Variants in PRKCE observed in about 807,000 individuals in gnomAD.
PRKCE encodes the protein protein kinase C epsilon.
A neutral mutation model predicts 85.4 loss-of-function variants in PRKCE; 16 were observed. The ratio of observed to expected loss-of-function variants is 0.19; its 90% CI spans 0.13 to 0.28. PRKCE has a LOEUF of 0.28. Ranked by LOEUF, PRKCE falls within the 10% of genes least tolerant of loss-of-function variation. The probability of loss-of-function intolerance (pLI) is 1.00; values close to 1 mark genes in which losing one functional copy is unlikely to be tolerated. For synonymous variants in PRKCE, 388 were observed against 371.5 expected (o/e 1.04, Z -0.51); for missense variants, 573 against 975.2 (o/e 0.59, Z 5.49).
intron 11 of PRKCE, among the ~76,000 whole-genome samples, chr2:46,120,737 G>A (rs762451768): frequency 6.6e-6 from 1 of 152,118 alleles, no homozygotes; most frequent in Non-Finnish European, 1.5e-5. Context: ...ACACGTTTTT[G>A]TAACTTCTCA....
chr2:46,007,682 G>A (rs755082754), intron 9 of PRKCE, 21 bp downstream of exon 9: 6 of 1,597,062 alleles, frequency 3.8e-6, no homozygotes, highest in Non-Finnish European at 5.1e-6. Context: ...CACACGGGTG[G>A]AACTGCTGGT....
At chr2:45,898,934 C>A (rs544087842) in intron 2 of PRKCE, among the ~76,000 whole-genome samples, 1 of 152,290 alleles carries the variant, frequency 6.6e-6, no homozygotes, top group Non-Finnish European at 1.5e-5. Context: ...TGGAATGTCC[C>A]AAAAAGAAAG....
intron 12 of PRKCE, among the ~76,000 whole-genome samples, chr2:46,149,271 T>G (rs148678584): frequency 6.6e-6 from 1 of 152,272 alleles, no homozygotes; most frequent in Non-Finnish European, 1.5e-5. Context: ...GCCCAAGGTG[T>G]CCCATGGGCT....
chr2:45,813,292 G>C (rs1240522006), intron 1 of PRKCE, among the ~76,000 whole-genome samples: 1 of 152,178 alleles, frequency 6.6e-6, no homozygotes, highest in East Asian at 1.9e-4. Flanking sequence ...TTGGCCATGG[G>C]TCATTTTCAA....
intron 10 of PRKCE, among the ~76,000 whole-genome samples, chr2:46,049,350 A>G (rs1424891901): frequency 6.6e-6 from 1 of 152,188 alleles, no homozygotes; most frequent in African/African-American, 2.4e-5. Context: ...CAGTCCTGAC[A>G]ATGCACATAG....
intron 1 of PRKCE, among the ~76,000 whole-genome samples, chr2:45,767,686 C>T (rs1428132125): frequency 6.6e-6 from 1 of 152,224 alleles, no homozygotes; most frequent in East Asian, 1.9e-4. Flanking sequence ...TGTGCCTTCA[C>T]TGTCAGCAGT....
chr2:45,954,848 G>C (rs1700864065), intron 2 of PRKCE, among the ~76,000 whole-genome samples: 2 of 152,308 alleles, frequency 1.3e-5, no homozygotes. Context: ...AAAAAACACA[G>C]TGATTGTGAG....
chr2:45,786,090 A>T lies in PRKCE; in HGVS notation c.349-56910A>T, dbSNP rs918371682. Among the ~76,000 whole-genome samples, 3 of 152,040 alleles carry T rather than the reference A, an allele frequency of 2.0e-5. No individual in the cohort carries two copies. Among genetic ancestry groups the T allele is most frequent in the African/African-American group, 7.2e-5 (3 of 41,406 alleles). Reference sequence around the variant, plus strand: ...AATAGATACCTGCTTCTCTCCAGGGACCTATGGCCTTCCATAGGCACCTGC... The same window carrying T: ...AATAGATACCTGCTTCTCTCCAGGGTCCTATGGCCTTCCATAGGCACCTGC... On this transcript the variant is annotated intron_variant, in intron 1 of 14. Coordinates refer to ENST00000306156, the MANE Select transcript of PRKCE (RefSeq NM_005400.3). This position sits in a 1 kb window ranked among gnomAD's most constrained non-coding sequence, Gnocchi z 5.3.
At chr2:45,687,620 C>T (rs1677400727) in intron 1 of PRKCE, among the ~76,000 whole-genome samples, 2 of 152,162 alleles carry the variant, frequency 1.3e-5, no homozygotes, top group Admixed American at 6.5e-5. Context: ...TTTCTTGTAA[C>T]ATCTAAATGT....
At chr2:46,116,657 A>G (rs1179177437) in intron 11 of PRKCE, among the ~76,000 whole-genome samples, 1 of 152,062 alleles carries the variant, frequency 6.6e-6, no homozygotes, top group Admixed American at 6.6e-5. Flanking sequence ...CATGGTTTAT[A>G]CATCTGTCCC....
At chr2:45,838,841 G>C (rs1691112473) in intron 1 of PRKCE, among the ~76,000 whole-genome samples, 1 of 152,170 alleles carries the variant, frequency 6.6e-6, no homozygotes, top group African/African-American at 2.4e-5. Context: ...GGAATTACAT[G>C]TAACAATACC....
chr2:45,714,351 C>G (rs148567158), intron 1 of PRKCE, among the ~76,000 whole-genome samples: 4 of 152,124 alleles, frequency 2.6e-5, no homozygotes, highest in African/African-American at 9.6e-5. Flanking sequence ...TAAACAGGGA[C>G]AATGACATTG....
intron 11 of PRKCE, among the ~76,000 whole-genome samples, chr2:46,135,723 C>T (rs1236524842): frequency 8.5e-6 from 1 of 117,986 alleles, no homozygotes; most frequent in African/African-American, 3.2e-5. Flanking sequence ...AAAAATTTAC[C>T]TTGGGTTCAG....
intron 1 of PRKCE, among the ~76,000 whole-genome samples, chr2:45,657,274 A>C (rs1452297910): frequency 4.6e-5 from 7 of 152,146 alleles, no homozygotes; most frequent in Non-Finnish European, 4.4e-5. Context: ...GGAGCAGCGA[A>C]GTCTGGAGTC....
chr2:45,720,516 T>C (rs1680525370), intron 1 of PRKCE, among the ~76,000 whole-genome samples: 1 of 152,100 alleles, frequency 6.6e-6, no homozygotes, highest in African/African-American at 2.4e-5. Flanking sequence ...TAGGGAGTCT[T>C]AGATATGTCG....
intron 2 of PRKCE, among the ~76,000 whole-genome samples, chr2:45,919,749 A>C (rs1698112794): frequency 6.6e-6 from 1 of 152,252 alleles, no homozygotes; most frequent in Non-Finnish European, 1.5e-5. Context: ...AGAGAAAAAC[A>C]CAGGAAATAA....
chr2:45,659,837 CT>C (rs539573873), intron 1 of PRKCE, among the ~76,000 whole-genome samples: 265 of 143,230 alleles, frequency 1.9e-3, no homozygotes, highest in South Asian at 5.7e-3. Flanking sequence ...CCTTTCCTGC[CT>C]TTTTTTTTTT....
At chr2:45,866,433 G>A (rs1036271401) in intron 2 of PRKCE, among the ~76,000 whole-genome samples, 3 of 152,024 alleles carry the variant, frequency 2.0e-5, no homozygotes, top group African/African-American at 7.2e-5. Flanking sequence ...TCAGCCTCCC[G>A]AGTAGCTGGG....
At chr2:46,175,431 C>A (rs1367827736) in intron 14 of PRKCE, among the ~76,000 whole-genome samples, 2 of 152,236 alleles carry the variant, frequency 1.3e-5, no homozygotes, top group Non-Finnish European at 2.9e-5. Flanking sequence ...GAGGAAGGAA[C>A]AATGCCAATA....
Sources: gnomAD v4.1 joint callset for allele counts (sites outside exome capture counted in the v4.1 genomes callset) on GRCh38, gnomAD v4.1.1 for gene constraint, Gnocchi (gnomAD v3.1) non-coding constraint, MANE v1.5 for transcripts, NCBI Gene and HGNC (gene_info 2026-07-23, HGNC 2026-07-21) for gene names.